CUL3: variants seen among roughly 807,000 people sequenced by gnomAD.
CUL3 encodes cullin-3.
A neutral mutation model predicts 89.1 loss-of-function variants in CUL3; 19 were observed. The observed-to-expected ratio is 0.21, with a 90% confidence interval of 0.15 to 0.31. CUL3 has a LOEUF of 0.31. CUL3 is among the 10% of genes least tolerant of loss of function. CUL3 has a pLI of 1.00. For synonymous variants in CUL3, 351 were observed against 308.4 expected, an observed-to-expected ratio of 1.14 and a Z score of -1.45; for missense variants, 469 against 942.3, an observed-to-expected ratio of 0.50 and a Z score of 6.58.
chr2:224,475,818 A>G (rs1369343137), intron 15 of CUL3, among the ~76,000 whole-genome samples: 1 of 152,154 alleles, frequency 6.6e-6, no homozygotes, highest in African/African-American at 2.4e-5. Flanking sequence ...GTCCTATCCC[A>G]TAAACACTAT....
Position 224,471,248 on chromosome 2 carries a change from A to G in CUL3, c.*2997T>C, listed in dbSNP as rs1324610581. 1.4e-5 allele frequency: 3 copies of G among 207,438 alleles called. No homozygotes were observed. The highest frequency in any genetic ancestry group is 1.5e-4 in the East Asian group (2 of 13,452). The allele number at this position is 207,438 out of a possible 1,614,324, so 12.8% of individuals were successfully genotyped here. On this transcript the variant is annotated 3_prime_UTR_variant, in exon 16 of 16. Transcript: ENST00000264414. Reference sequence around the variant, plus strand: ...CCTTCCAAGATTGACACAATATACCATATACTCTATAAAAAATTATTCTAT... The same window carrying G: ...CCTTCCAAGATTGACACAATATACCGTATACTCTATAAAAAATTATTCTAT...
chr2:224,496,036 C>T (rs1559345880), intron 12 of CUL3, 70 bp from the exon 13 acceptor site: 9 of 1,514,596 alleles, frequency 5.9e-6, no homozygotes, highest in African/African-American at 1.4e-5. Flanking sequence ...TATGTATGTA[C>T]GTACATATGT....
chr2:224,543,092 A>T (rs1694176724), intron 2 of CUL3, among the ~76,000 whole-genome samples: 1 of 152,210 alleles, frequency 6.6e-6, no homozygotes, highest in South Asian at 2.1e-4. Context: ...AGCCAATCCT[A>T]ATTAAATGTC....
intron 1 of CUL3, among the ~76,000 whole-genome samples, chr2:224,567,767 C>T (rs1365543438): frequency 6.6e-6 from 1 of 151,772 alleles, no homozygotes; most frequent in Non-Finnish European, 1.5e-5. Context: ...TCACCTAGTT[C>T]ACTGCAAGAG....
chr2:224,574,674 T>C (rs1695260174), intron 1 of CUL3, among the ~76,000 whole-genome samples: 1 of 152,218 alleles, frequency 6.6e-6, no homozygotes, highest in Non-Finnish European at 1.5e-5. Context: ...ATAACTGCCC[T>C]ACATGAAACA....
At chr2:224,561,214 G>C (rs1694891251) in intron 1 of CUL3, among the ~76,000 whole-genome samples, 2 of 152,112 alleles carry the variant, frequency 1.3e-5, no homozygotes, top group Non-Finnish European at 2.9e-5. Context: ...CTCTAAAACA[G>C]TATATGGCAC....
chr2:224,585,326 G>T lies in CUL3; in HGVS notation c.-317C>A, dbSNP rs950809352. 1.5e-4 allele frequency: 61 copies of T among 402,432 alleles called. No homozygotes were observed. The East Asian group carries it at 2.2e-3, about 14-fold the overall frequency. The allele number at this position is 402,432 out of a possible 1,614,324, so 24.9% of individuals were successfully genotyped here. A position where few individuals can be genotyped will look rare whatever the true frequency, so the allele number is the denominator to read the frequency against. On this transcript the variant is annotated 5_prime_UTR_variant, in exon 1 of 16. Coordinates refer to ENST00000264414, the MANE Select transcript of CUL3 (RefSeq NM_003590.5). ...CCGCGATGGCGGCGGCGGCGGCGAC[G>T]GACAAACATCTCACTGCGCAGGCCG...
In CUL3 at chr2:224,555,717, T is replaced by C. The variant is rs150088088; in HGVS notation, c.264+1942A>G. ...TATAATTTCACAACATCTGCCATCA[T>C]GGAATGCCTTCCACCACACTGTTCA... On this transcript the variant is annotated intron_variant, in intron 2 of 15. Coordinates refer to ENST00000264414, the MANE Select transcript of CUL3 (RefSeq NM_003590.5). Among the ~76,000 whole-genome samples, 24 of 152,332 alleles carry C rather than the reference T, an allele frequency of 1.6e-4. 1 individual carries two copies. Among genetic ancestry groups the C allele is most frequent in the African/African-American group, 5.3e-4 (22 of 41,584 alleles).
At chr2:224,533,307 A>G (rs530977770) in intron 3 of CUL3, among the ~76,000 whole-genome samples, 4 of 152,234 alleles carry the variant, frequency 2.6e-5, no homozygotes, top group Non-Finnish European at 5.9e-5. Context: ...GCCAAGCCCT[A>G]CAAGTGGTTT....
chr2:224,538,698 G>A (rs1693981259), intron 2 of CUL3, among the ~76,000 whole-genome samples: 1 of 152,186 alleles, frequency 6.6e-6, no homozygotes, highest in South Asian at 2.1e-4. Context: ...AGAACAAGTA[G>A]CAACACCAGA....
intron 15 of CUL3, among the ~76,000 whole-genome samples, chr2:224,475,229 G>C (rs1380517463): frequency 6.6e-6 from 1 of 152,160 alleles, no homozygotes; most frequent in African/African-American, 2.4e-5. Flanking sequence ...ATGTTAGCCA[G>C]GATGGTCTCG....
intron 1 of CUL3, among the ~76,000 whole-genome samples, chr2:224,558,493 A>G (rs1694794110): frequency 6.6e-6 from 1 of 152,118 alleles, no homozygotes; most frequent in Non-Finnish European, 1.5e-5. Context: ...ATATTCACAC[A>G]CCAACCGACC....
In CUL3 at chr2:224,478,119, T is replaced by C. The variant is rs543562518; in HGVS notation, c.2175+81A>G. 1,205 of 1,404,526 alleles carry C rather than the reference T, an allele frequency of 8.6e-4. 2 individuals are homozygous for C. The highest frequency in any genetic ancestry group is 1.1e-3 in the Non-Finnish European group (1,108 of 1,045,806). The allele number at this position is 1,404,526 out of a possible 1,614,324, so 87.0% of individuals were successfully genotyped here. A position where few individuals can be genotyped will look rare whatever the true frequency, so the allele number is the denominator to read the frequency against. ...AGGATTTCTTAATTGTAAAATTGTT[T>C]TTAAAATTAGTTGAATACAATAATT... On this transcript the variant is annotated intron_variant, in intron 15 of 15. Coordinates refer to ENST00000264414, the MANE Select transcript of CUL3 (RefSeq NM_003590.5).
intron 14 of CUL3, 54 bp from the exon 15 acceptor site, chr2:224,478,399 T>A (rs755788497): frequency 1.1e-4 from 176 of 1,548,720 alleles, no homozygotes; most frequent in Non-Finnish European, 1.5e-4. Flanking sequence ...ATTTGGTTTA[T>A]AAGCAAGCTT....
At position 224,479,636 on chromosome 2, in the gene CUL3, G is replaced by GT. The variant is rs539351377; in HGVS notation, c.2030-1292dup. 7.2e-5 allele frequency: 11 copies of GT among 152,244 alleles called. No homozygotes were observed. In the South Asian group the frequency reaches 2.3e-3, roughly 32 times the overall value. The allele number at this position is 152,244 out of a possible 1,614,324, so 9.4% of individuals were successfully genotyped here. ...TATGATATAGGAGACGTGTGCTAAA[G>GT]TTTTTTAGGGGGAAACTACTGAGAT... On this transcript the variant is annotated intron_variant, in intron 14 of 15. Coordinates refer to ENST00000264414, the MANE Select transcript of CUL3 (RefSeq NM_003590.5).
chr2:224,540,294 G>A (rs575853253), intron 2 of CUL3, among the ~76,000 whole-genome samples: 1 of 152,070 alleles, frequency 6.6e-6, no homozygotes, highest in South Asian at 2.1e-4. Context: ...CTGACCTCAA[G>A]TGATCCACTC....
intron 11 of CUL3, chr2:224,499,832 T>A: frequency 4.9e-6 from 1 of 203,398 alleles, no homozygotes; most frequent in Non-Finnish European, 1.1e-5. Context: ...CACAAAGCAG[T>A]CTCCACACTG....
intron 11 of CUL3, 26 bp from the exon 12 acceptor site, chr2:224,497,875 G>T: frequency 6.4e-7 from 1 of 1,560,152 alleles, no homozygotes; most frequent in Non-Finnish European, 8.8e-7. Flanking sequence ...CCAGGTTTTA[G>T]AAAATCAAAC....
chr2:224,516,538 A>T (rs1477223445), intron 3 of CUL3, among the ~76,000 whole-genome samples: 1 of 151,660 alleles, frequency 6.6e-6, no homozygotes, highest in African/African-American at 2.4e-5. Context: ...GATGGTCTCG[A>T]TCTCTTGACC....
Sources: allele counts gnomAD v4.1 joint callset (sites outside exome capture counted in the v4.1 genomes callset), GRCh38; gene constraint gnomAD v4.1.1; transcripts MANE v1.5; gene names NCBI Gene and HGNC (gene_info 2026-07-23, HGNC 2026-07-21).